The following ANKFN1 variants were observed in gnomAD, a reference collection of about 807,000 sequenced individuals.
The protein encoded by ANKFN1 is ankyrin repeat and fibronectin type III domain containing 1.
A neutral mutation model predicts 108.7 loss-of-function variants in ANKFN1; 74 were observed. The ratio of observed to expected loss-of-function variants is 0.68; its 90% CI spans 0.56 to 0.83. ANKFN1 has a LOEUF of 0.83. Among genes scored for constraint, ANKFN1 ranks in the 40% least tolerant of loss-of-function variants. The pLI, the probability that ANKFN1 is intolerant of heterozygous loss-of-function variation, is 0.00. For missense variants in ANKFN1, 1,505 were observed against 1,382.3 expected, an observed-to-expected ratio of 1.09 and a Z score of -1.41; for synonymous variants, 547 against 516.2, an observed-to-expected ratio of 1.06 and a Z score of -0.81.
chr17:56,414,898 T>A (rs1479336554), intron 8 of ANKFN1, among the ~76,000 whole-genome samples: 2 of 152,076 alleles, frequency 1.3e-5, no homozygotes, highest in African/African-American at 4.8e-5. Flanking sequence ...TGTGTACCTG[T>A]GGTCCCAGCT....
At chr17:56,091,455 CACACACAG>C (rs1346364486) in intron 4 of ANKFN1, among the ~76,000 whole-genome samples, 3 of 148,876 alleles carry the variant, frequency 2.0e-5, no homozygotes, top group African/African-American at 7.4e-5. Context: ...CACACACACA[CACACACAG>C]AGTTCATTTC....
intron 13 of ANKFN1, 123 bp downstream of exon 13, chr17:56,457,512 C>A (rs2145237882): frequency 8.8e-7 from 1 of 1,140,148 alleles, no homozygotes; most frequent in Non-Finnish European, 1.2e-6. Context: ...AAAGTATCTC[C>A]AAGGTCCTTT....
At chr17:56,100,546 T>C (rs1044552492) in intron 4 of ANKFN1, among the ~76,000 whole-genome samples, 3 of 152,196 alleles carry the variant, frequency 2.0e-5, no homozygotes, top group African/African-American at 7.2e-5. Context: ...GACGTATTAA[T>C]TAAGTAGCAA....
At chr17:56,387,817 G>C (rs994728960) in intron 8 of ANKFN1, among the ~76,000 whole-genome samples, 3 of 152,124 alleles carry the variant, frequency 2.0e-5, no homozygotes, top group Non-Finnish European at 2.9e-5. Context: ...ATTGCCTGCT[G>C]TCTTTTCTCT....
At chr17:56,283,743 G>T (rs116156430) in intron 3 of ANKFN1, among the ~76,000 whole-genome samples, 7 of 151,788 alleles carry the variant, frequency 4.6e-5, no homozygotes, top group African/African-American at 1.5e-4. Flanking sequence ...TCAGGGGAAA[G>T]GGTGGGAGGG....
chr17:56,313,319 G>A (rs1166118868), intron 3 of ANKFN1, among the ~76,000 whole-genome samples: 2 of 152,152 alleles, frequency 1.3e-5, no homozygotes, highest in Non-Finnish European at 2.9e-5. Flanking sequence ...GGAACAGTAT[G>A]TGCAAAGATC....
chr17:56,070,876 A>G (rs1261150378), intron 4 of ANKFN1, among the ~76,000 whole-genome samples: 5 of 151,970 alleles, frequency 3.3e-5, no homozygotes, highest in Non-Finnish European at 5.9e-5. Flanking sequence ...CTGGGACTAC[A>G]GGTGCACACC....
intron 3 of ANKFN1, among the ~76,000 whole-genome samples, chr17:56,318,518 T>C (rs1329092524): frequency 6.6e-6 from 1 of 152,172 alleles, no homozygotes; most frequent in East Asian, 1.9e-4. Context: ...GCCCGGGTCC[T>C]GCCCTCATGG....
At chr17:56,067,746 C>T (rs929760357) in intron 4 of ANKFN1, among the ~76,000 whole-genome samples, 7 of 152,334 alleles carry the variant, frequency 4.6e-5, no homozygotes, top group Admixed American at 3.3e-4. Context: ...CAACAGCTTT[C>T]CTCAGCTTAC....
chr17:56,369,841 A>G (rs1219217358), intron 6 of ANKFN1, among the ~76,000 whole-genome samples: 2 of 152,234 alleles, frequency 1.3e-5, no homozygotes, highest in East Asian at 1.9e-4. Context: ...CCATGCAATT[A>G]CTTTTAACAA....
chr17:56,323,470 A>G (rs2045427560), intron 3 of ANKFN1: 1 of 152,644 alleles, frequency 6.6e-6, no homozygotes, highest in Admixed American at 6.5e-5. Context: ...CAGAGACGAG[A>G]CGAACTCCAG....
At chr17:56,166,487 T>C (rs950365522) in intron 1 of ANKFN1, among the ~76,000 whole-genome samples, 6 of 152,236 alleles carry the variant, frequency 3.9e-5, no homozygotes, top group Non-Finnish European at 8.8e-5. Flanking sequence ...TGGGATGATC[T>C]CTGAGGTTGC....
intron 11 of ANKFN1, among the ~76,000 whole-genome samples, chr17:56,456,098 A>G (rs1010022103): frequency 6.6e-6 from 1 of 152,182 alleles, no homozygotes; most frequent in African/African-American, 2.4e-5. Flanking sequence ...ATGTGCTTAC[A>G]TTAATTTTAT....
chr17:56,189,250 A>G (rs1328376386), intron 1 of ANKFN1, among the ~76,000 whole-genome samples: 4 of 130,824 alleles, frequency 3.1e-5, no homozygotes, highest in Non-Finnish European at 6.2e-5. Context: ...GGCTCACTGC[A>G]AGCTCCGCCT....
intron 1 of ANKFN1, among the ~76,000 whole-genome samples, chr17:56,167,508 C>A (rs536342377): frequency 1.5e-4 from 23 of 151,754 alleles, no homozygotes; most frequent in African/African-American, 5.6e-4. Flanking sequence ...ACTTTGGAGC[C>A]CAATTAAATC....
chr17:56,214,247 A>C (rs1385586368), intron 2 of ANKFN1, among the ~76,000 whole-genome samples: 1 of 152,184 alleles, frequency 6.6e-6, no homozygotes, highest in Non-Finnish European at 1.5e-5. Context: ...TTTTAGTAGA[A>C]AACGTTTAGA....
intron 3 of ANKFN1, among the ~76,000 whole-genome samples, chr17:56,231,056 T>C (rs991464383): frequency 1.3e-5 from 2 of 152,168 alleles, no homozygotes; most frequent in African/African-American, 4.8e-5. Flanking sequence ...GCTAGGATTT[T>C]AGCTGAGGCT....
chr17:56,510,239 T>C (rs116086869), intron 20 of ANKFN1, among the ~76,000 whole-genome samples: 3 of 152,196 alleles, frequency 2.0e-5, no homozygotes, highest in Non-Finnish European at 4.4e-5. Context: ...TTCCTCTCTT[T>C]CCTTTCCCTT....
intron 1 of ANKFN1, among the ~76,000 whole-genome samples, chr17:56,189,179 T>TTTTTTTTTTTTTTTTTTTTTTTTTG (rs1244013476): frequency 1.8e-5 from 2 of 111,378 alleles, no homozygotes; most frequent in African/African-American, 9.8e-5. Flanking sequence ...ACTTTTTTTT[T>TTTTTTTTTTTTTTTTTTTTTTTTTG]TTTTTTTTTG....
Sources: gnomAD v4.1 joint callset for allele counts (sites outside exome capture counted in the v4.1 genomes callset) on GRCh38, gnomAD v4.1.1 for gene constraint, MANE v1.5 for transcripts, NCBI Gene and HGNC (gene_info 2026-07-23, HGNC 2026-07-21) for gene names.